The following MGAT5 variants were observed in gnomAD, a reference collection of about 807,000 sequenced individuals.
The protein encoded by MGAT5 is alpha-1,6-mannosylglycoprotein 6-beta-N-acetylglucosaminyltransferase A.
In MGAT5, 30 loss-of-function variants were observed where a neutral mutation model predicts 94.3. The observed-to-expected ratio is 0.32, with a 90% confidence interval of 0.24 to 0.43. The LOEUF is 0.43. Among genes scored for constraint, MGAT5 ranks in the 20% least tolerant of loss-of-function variants. The pLI, the probability that MGAT5 is intolerant of heterozygous loss-of-function variation, is 1.00. For missense variants in MGAT5, 691 were observed against 905.5 expected (o/e 0.76, Z 3.04); for synonymous variants, 310 against 322.9 (o/e 0.96, Z 0.43).
chr2:134,272,658 T>C (rs1487069136), intron 2 of MGAT5, among the ~76,000 whole-genome samples: 4 of 152,230 alleles, frequency 2.6e-5, no homozygotes, highest in Non-Finnish European at 5.9e-5. Context: ...CCCTCCAATG[T>C]ACATGATTTT....
intron 1 of MGAT5, among the ~76,000 whole-genome samples, chr2:134,136,896 C>G (rs568695992): frequency 6.6e-6 from 1 of 152,238 alleles, no homozygotes; most frequent in Admixed American, 6.5e-5. Context: ...TAGACCTGGT[C>G]AAAGAATTGA....
intron 1 of MGAT5, among the ~76,000 whole-genome samples, chr2:134,128,360 G>C (rs1685952866): frequency 6.6e-6 from 1 of 152,192 alleles, no homozygotes; most frequent in South Asian, 2.1e-4. Flanking sequence ...AAGTTTCTGT[G>C]AAAGGATTTT....
intron 9 of MGAT5, among the ~76,000 whole-genome samples, chr2:134,352,600 C>A (rs1412808792): frequency 6.6e-6 from 1 of 152,040 alleles, no homozygotes; most frequent in Admixed American, 6.5e-5. Flanking sequence ...AAAGTGATTC[C>A]CATTGGATAA....
chr2:134,372,446 T>A (rs564393930), intron 10 of MGAT5, among the ~76,000 whole-genome samples: 4 of 152,296 alleles, frequency 2.6e-5, no homozygotes, highest in East Asian at 3.9e-4. Flanking sequence ...AATAAAAATT[T>A]GTATGAATTT....
chr2:134,383,631 C>A (rs1451216351), intron 10 of MGAT5, among the ~76,000 whole-genome samples: 2 of 152,072 alleles, frequency 1.3e-5, no homozygotes, highest in Non-Finnish European at 2.9e-5. Context: ...GGATTAATCT[C>A]AAAGCTCTAA....
chr2:134,154,300 T>G (rs1009105530), intron 1 of MGAT5, among the ~76,000 whole-genome samples: 3 of 152,140 alleles, frequency 2.0e-5, no homozygotes, highest in African/African-American at 7.2e-5. Context: ...GGTGTGGACT[T>G]TTTCACAACT....
At chr2:134,410,592 G>T (rs1683591731) in intron 11 of MGAT5, among the ~76,000 whole-genome samples, 1 of 152,192 alleles carries the variant, frequency 6.6e-6, no homozygotes, top group African/African-American at 2.4e-5. Flanking sequence ...TTGTTGTTCA[G>T]ATATAATTAA....
intron 1 of MGAT5, among the ~76,000 whole-genome samples, chr2:134,156,753 A>G (rs1399918393): frequency 6.6e-6 from 1 of 152,044 alleles, no homozygotes. Flanking sequence ...CCCTCCCTCC[A>G]CATCACAGCC....
At chr2:134,280,378 G>A (rs772699511) in intron 2 of MGAT5, among the ~76,000 whole-genome samples, 5 of 152,200 alleles carry the variant, frequency 3.3e-5, no homozygotes, top group Non-Finnish European at 5.9e-5. Flanking sequence ...CCCCAAATCT[G>A]CTTATGTCAA....
intron 14 of MGAT5, among the ~76,000 whole-genome samples, chr2:134,428,993 A>G (rs1558880399): frequency 6.6e-6 from 1 of 152,192 alleles, no homozygotes; most frequent in Non-Finnish European, 1.5e-5. Context: ...GTGCTCCTAG[A>G]AGTAAAGGCC....
At chr2:134,375,424 T>C (rs1329269681) in intron 10 of MGAT5, among the ~76,000 whole-genome samples, 1 of 152,248 alleles carries the variant, frequency 6.6e-6, no homozygotes, top group African/African-American at 2.4e-5. Context: ...TGTACGGTTC[T>C]GTGTGGAAAC....
At chr2:134,339,386 A>G (rs764870555) in intron 6 of MGAT5, among the ~76,000 whole-genome samples, 2 of 152,216 alleles carry the variant, frequency 1.3e-5, no homozygotes, top group South Asian at 2.1e-4. Flanking sequence ...GGGAATTTAT[A>G]TCTATGTATA....
intron 1 of MGAT5, among the ~76,000 whole-genome samples, chr2:134,227,200 G>C (rs952344924): frequency 6.6e-6 from 1 of 152,126 alleles, no homozygotes; most frequent in Non-Finnish European, 1.5e-5. Flanking sequence ...CCACTGAAAA[G>C]AGACATCCTT....
At chr2:134,425,152 C>T (rs1293940211) in intron 13 of MGAT5, among the ~76,000 whole-genome samples, 1 of 151,934 alleles carries the variant, frequency 6.6e-6, no homozygotes, top group Non-Finnish European at 1.5e-5. Context: ...TGCTGAAAAG[C>T]AAAGATAAGG....
At chr2:134,127,532 A>T (rs932649575) in intron 1 of MGAT5, among the ~76,000 whole-genome samples, 2 of 122,792 alleles carry the variant, frequency 1.6e-5, no homozygotes, top group African/African-American at 5.7e-5. Context: ...CCCCCAAAAC[A>T]AAAAAAGAAA....
In MGAT5 at chr2:134,344,875, T is replaced by C; in HGVS notation, c.978-55T>C. 2.5e-6 allele frequency: 4 copies of C among 1,586,036 alleles called. No individual in the cohort carries two copies. In the South Asian group the frequency reaches 4.5e-5, roughly 18 times the overall value. Reference sequence around the variant, plus strand: ...CATTAAAGTTGCCAAGTTTATTACCTTTTAAGTAAATGATTTTTCTCTTTT... The same window carrying C: ...CATTAAAGTTGCCAAGTTTATTACCCTTTAAGTAAATGATTTTTCTCTTTT... On this transcript the variant is annotated intron_variant, in intron 7 of 15. Coordinates refer to ENST00000281923, the MANE Select transcript of MGAT5 (RefSeq NM_002410.5).
chr2:134,277,969 C>T (rs1008709965), intron 2 of MGAT5, among the ~76,000 whole-genome samples: 1 of 152,180 alleles, frequency 6.6e-6, no homozygotes, highest in African/African-American at 2.4e-5. Flanking sequence ...AGGCCAACCA[C>T]TTAGCTTATA....
chr2:134,221,757 G>A (rs1266308246), intron 1 of MGAT5, among the ~76,000 whole-genome samples: 1 of 152,170 alleles, frequency 6.6e-6, no homozygotes, highest in Non-Finnish European at 1.5e-5. Context: ...CATCTGGTGA[G>A]AATCTAGGCC....
chr2:134,436,411 A>G (rs1254772373), intron 14 of MGAT5, among the ~76,000 whole-genome samples: 1 of 152,168 alleles, frequency 6.6e-6, no homozygotes, highest in African/African-American at 2.4e-5. Context: ...AGGATGCTAG[A>G]CCATGCTCCT....
Sources: gnomAD v4.1 joint callset for allele counts (sites outside exome capture counted in the v4.1 genomes callset) on GRCh38, gnomAD v4.1.1 for gene constraint, MANE v1.5 for transcripts, NCBI Gene and HGNC (gene_info 2026-07-23, HGNC 2026-07-21) for gene names.